TRAK1: variants seen among roughly 807,000 people sequenced by gnomAD.
The protein encoded by TRAK1 is trafficking kinesin-binding protein 1.
TRAK1 carries 33 observed loss-of-function variants against 92.1 expected under a neutral mutation model. That is an observed-to-expected ratio of 0.36 (90% confidence interval 0.27 to 0.48). TRAK1 has a LOEUF of 0.48. TRAK1 is among the 20% of genes least tolerant of loss of function. The probability of loss-of-function intolerance (pLI) is 0.99; values close to 1 mark genes in which losing one functional copy is unlikely to be tolerated. For synonymous variants in TRAK1, 521 were observed against 517.3 expected (o/e 1.01, Z -0.10); for missense variants, 1,123 against 1,257.9 (o/e 0.89, Z 1.62).
rs539137094 is a variant in TRAK1, at chr3:42,150,267, G to T, written c.286+24653G>T. ...TGGCACATTCCAAGGGAGACTGGGT[G>T]GAGGCCAAGTTGTGTGGCTGGACAG... is the stretch of plus-strand genomic sequence containing the variant. On this transcript the variant is annotated intron_variant, in intron 2 of 15. Coordinates refer to ENST00000327628, the MANE Select transcript of TRAK1 (RefSeq NM_001042646.3). 3.1e-3 allele frequency among the ~76,000 whole-genome samples: 478 copies of T among 152,272 alleles called. 2 individuals carry two copies. Among genetic ancestry groups the T allele is most frequent in the Non-Finnish European group, 5.5e-3 (375 of 68,022 alleles).
intron 2 of TRAK1, among the ~76,000 whole-genome samples, chr3:42,169,180 A>C (rs1702240609): frequency 6.7e-6 from 1 of 150,160 alleles, no homozygotes; most frequent in Admixed American, 6.6e-5. Flanking sequence ...TATCTCTATA[A>C]TTTTCCTTTT....
intron 1 of TRAK1, chr3:42,051,304 CATT>C (rs1438310054): frequency 3.3e-5 from 5 of 152,288 alleles, no homozygotes; most frequent in Non-Finnish European, 5.9e-5. Flanking sequence ...TCATATCTGT[CATT>C]GTTGTAGATC....
upstream of TRAK1, among the ~76,000 whole-genome samples, chr3:42,083,438 A>C (rs913404821): frequency 1.3e-5 from 2 of 152,204 alleles, no homozygotes; most frequent in Non-Finnish European, 2.9e-5. Flanking sequence ...TGTTAGTGAG[A>C]GCCCATGAGG....
chr3:42,014,793 C>T lies in TRAK1; in HGVS notation c.-519+676C>T, dbSNP rs78435974. 3.0e-5 allele frequency among the ~76,000 whole-genome samples: 4 copies of T among 131,350 alleles called. No individual in the cohort carries two copies. The East Asian group carries it at 9.8e-4, about 32-fold the overall frequency. 86.2% of individuals were successfully genotyped at this position (131,350 alleles called of 152,430 possible). A position where few individuals can be genotyped will look rare whatever the true frequency, so the allele number is the denominator to read the frequency against. On this transcript the variant is annotated intron_variant, in intron 1 of 16. Transcript: ENST00000487159. ...CTTTGAGAGCCTTCAGAGTATTCGTCGTTGGACCGCTGATTTTTTTTTTTT... is the reference window on the plus strand; with the variant it reads ...CTTTGAGAGCCTTCAGAGTATTCGTTGTTGGACCGCTGATTTTTTTTTTTT...
At chr3:42,203,709 C>A (rs1447244624) in intron 13 of TRAK1, 8 of 985,012 alleles carry the variant, frequency 8.1e-6, no homozygotes, top group Non-Finnish European at 9.6e-6. Context: ...ACTTTCCCAA[C>A]TTTAAAAAAA....
chr3:42,198,776 C>T (rs554269486), intron 10 of TRAK1, among the ~76,000 whole-genome samples: 1 of 152,200 alleles, frequency 6.6e-6, no homozygotes, highest in South Asian at 2.1e-4. Flanking sequence ...GTTGCCATAT[C>T]TCACTGTAAG....
At chr3:42,016,646 T>C (rs1576078705) in intron 1 of TRAK1, among the ~76,000 whole-genome samples, 1 of 152,210 alleles carries the variant, frequency 6.6e-6, no homozygotes, top group African/African-American at 2.4e-5. Context: ...TTGGGCATTC[T>C]CCTCTCCGTC....
intron 3 of TRAK1, among the ~76,000 whole-genome samples, chr3:42,181,142 G>A (rs1703943579): frequency 6.6e-6 from 1 of 152,320 alleles, no homozygotes; most frequent in Non-Finnish European, 1.5e-5. Flanking sequence ...TTTGTGTGCT[G>A]GAAGCCTTCC....
chr3:42,076,257 C>G (rs1704153598), intron 1 of TRAK1, among the ~76,000 whole-genome samples: 1 of 94,332 alleles, frequency 1.1e-5, no homozygotes, highest in African/African-American at 4.3e-5. Flanking sequence ...TGGAGTTTCC[C>G]TCTTGTTGCT....
chr3:42,219,451 T>C (rs1710093743), intron 14 of TRAK1, 43 bp from the exon 15 acceptor site: 1 of 1,613,570 alleles, frequency 6.2e-7, no homozygotes, highest in Admixed American at 1.7e-5. Flanking sequence ...TTATTGTGGT[T>C]GTACTTGGAT....
chr3:42,195,142 C>T lies in TRAK1; in HGVS notation c.1113+201C>T, dbSNP rs1706411086. On this transcript the variant is annotated intron_variant, in intron 10 of 15. Transcript: ENST00000327628. The stretch of plus-strand genomic sequence containing the variant: ...AAGACAAATTGGTTATTTTCTGTTC[C>T]TCTAAATCTGTGGTCTTTTCTACTC... Among the ~76,000 whole-genome samples the T allele has an allele frequency of 1.3e-5, 2 of 152,196 alleles. 1 individual carries two copies. Among genetic ancestry groups the T allele is most frequent in the South Asian group, 4.1e-4 (2 of 4,828 alleles).
intron 1 of TRAK1, chr3:42,051,141 T>A (rs1438808604): frequency 2.0e-5 from 3 of 152,240 alleles, no homozygotes; most frequent in Non-Finnish European, 4.4e-5. Context: ...AGTGCAGGGA[T>A]TATGGGCTTG....
chr3:42,098,051 C>G (rs976909007), intron 1 of TRAK1, among the ~76,000 whole-genome samples: 3 of 151,830 alleles, frequency 2.0e-5, no homozygotes, highest in Admixed American at 6.6e-5. Flanking sequence ...CTTCTCTCCT[C>G]CATCTCTCCT....
At chr3:42,099,179 G>A (rs1336233145) in intron 1 of TRAK1, among the ~76,000 whole-genome samples, 4 of 152,130 alleles carry the variant, frequency 2.6e-5, no homozygotes, top group African/African-American at 9.7e-5. Flanking sequence ...GTCAGGTGTA[G>A]GGGTGGCAGT....
upstream of TRAK1, among the ~76,000 whole-genome samples, chr3:42,087,713 G>A (rs547804147): frequency 6.6e-6 from 1 of 152,326 alleles, no homozygotes; most frequent in South Asian, 2.1e-4. Context: ...GCCCATCACA[G>A]GCACTCAGTG....
intron 2 of TRAK1, among the ~76,000 whole-genome samples, chr3:42,132,714 C>T (rs1023869117): frequency 6.6e-6 from 1 of 152,134 alleles, no homozygotes; most frequent in African/African-American, 2.4e-5. Context: ...GTGATGTACT[C>T]CTCTAAATGT....
intron 1 of TRAK1, among the ~76,000 whole-genome samples, chr3:42,102,322 A>G (rs1302899538): frequency 6.6e-6 from 1 of 152,244 alleles, no homozygotes; most frequent in Non-Finnish European, 1.5e-5. Context: ...TATCTTCAGA[A>G]GAAATGTCTG....
At chr3:42,158,788 A>G (rs1700867521) in intron 2 of TRAK1, among the ~76,000 whole-genome samples, 1 of 67,172 alleles carries the variant, frequency 1.5e-5, no homozygotes, top group Admixed American at 1.2e-4. Context: ...CAAAAAATAC[A>G]AAAAAAAAAA....
intron 15 of TRAK1, 147 bp downstream of exon 15, chr3:42,219,743 G>A: frequency 2.7e-6 from 2 of 747,464 alleles, no homozygotes; most frequent in South Asian, 1.8e-5. Context: ...GCATTTGCAG[G>A]CACTTGTTCT....
Sources: gnomAD v4.1 joint callset for allele counts (sites outside exome capture counted in the v4.1 genomes callset) on GRCh38, gnomAD v4.1.1 for gene constraint, MANE v1.5 for transcripts, NCBI Gene and HGNC (gene_info 2026-07-23, HGNC 2026-07-21) for gene names.